Variants in TRPM1 observed in about 807,000 individuals in gnomAD.
TRPM1 encodes the protein transient receptor potential cation channel subfamily M member 1, also known as TRPM1-203 APA Isoform, Intron 10.
In TRPM1, 113 loss-of-function variants were observed where a neutral mutation model predicts 149.4. The ratio of observed to expected loss-of-function variants is 0.76; its 90% confidence interval spans 0.65 to 0.88. The LOEUF is 0.88. TRPM1 is among the 40% of genes least tolerant of loss of function. TRPM1 has a pLI of 0.00. For missense variants in TRPM1, 1,976 were observed against 2,038.7 expected, an observed-to-expected ratio of 0.97 and a Z score of 0.59; for synonymous variants, 741 against 759.5, an observed-to-expected ratio of 0.98 and a Z score of 0.40.
chr15:31,113,733 C>G (rs1335637858), intron 1 of TRPM1, among the ~76,000 whole-genome samples: 3 of 152,194 alleles, frequency 2.0e-5, no homozygotes, highest in Non-Finnish European at 4.4e-5. Flanking sequence ...GTCCCACCGC[C>G]TTTAAGAATG....
chr15:31,113,358 C>G (rs1397524187), intron 1 of TRPM1, among the ~76,000 whole-genome samples: 2 of 152,078 alleles, frequency 1.3e-5, no homozygotes, highest in South Asian at 2.1e-4. Flanking sequence ...CCAGGGCCAC[C>G]ATGGACTGTC....
chr15:31,022,224 C>A (rs1202117775), intron 27 of TRPM1, among the ~76,000 whole-genome samples: 1 of 152,194 alleles, frequency 6.6e-6, no homozygotes, highest in African/African-American at 2.4e-5. Flanking sequence ...AGTGGATGTG[C>A]AGAAGACACA....
rs776625654 is a variant in TRPM1 at position 31,067,949 on chromosome 15, G to C, written c.423C>G (p.Val141=). 1.1e-5 allele frequency: 18 copies of C among 1,614,032 alleles called. No individual in the cohort carries two copies. Among genetic ancestry groups the C allele is most frequent in the Admixed American group, 1.7e-5 (1 of 60,006 alleles). ...NFEMQPKLKQ[V]FGKGLIKAAM... ...CAGCCTTGATCAGGCCTTTCCCAAA[G>C]ACTTGTTTCAGCTTGGGCTGCATCT... is the stretch of plus-strand genomic sequence containing the variant. The change falls in exon 5 of 28, where the codon GTC becomes GTG. Residue 141 remains valine (V), a synonymous_variant. Coordinates refer to ENST00000256552, the MANE Select transcript of TRPM1 (RefSeq NM_001252024.2).
chr15:31,041,222 T>G (rs1271878217), intron 17 of TRPM1, among the ~76,000 whole-genome samples: 1 of 151,710 alleles, frequency 6.6e-6, no homozygotes, highest in African/African-American at 2.4e-5. Context: ...TGGGGCAATC[T>G]CGGCTCACTG....
At chr15:31,056,511 C>T (rs2034091251) in intron 11 of TRPM1, among the ~76,000 whole-genome samples, 2 of 152,154 alleles carry the variant, frequency 1.3e-5, no homozygotes, top group African/African-American at 4.8e-5. Context: ...CAATCTTGAG[C>T]CTCATGTGAG....
At position 31,040,480 on chromosome 15, in the gene TRPM1, C is replaced by A; in HGVS notation, c.2088-134G>T. On this transcript the variant is annotated intron_variant, in intron 17 of 27. Transcript: ENST00000256552. The surrounding 1 kb of genome is among the most constrained non-coding windows in gnomAD (Gnocchi z 4.2). ...ACTGGAGGGGCTCTGAGGTTCTCTG[C>A]AAGCAAGAAGCTCCAGGGATGTGTC... 2 of 769,184 alleles carry A rather than the reference C, an allele frequency of 2.6e-6. No individual in the cohort carries two copies. The highest frequency in any genetic ancestry group is 4.4e-6 in the Non-Finnish European group (2 of 453,532). 47.6% of individuals were successfully genotyped at this position (769,184 alleles called of 1,614,324 possible).
rs58872566 is a variant in TRPM1 at position 31,087,231 on chromosome 15, A to ATTTTTTTTTTTTTTT, written c.-83-5808_-83-5794dup. Among the ~76,000 whole-genome samples the ATTTTTTTTTTTTTTT allele has an allele frequency of 2.4e-4, 14 of 59,442 alleles. 4 individuals carry two copies. Among genetic ancestry groups the ATTTTTTTTTTTTTTT allele is most frequent in the African/African-American group, 8.5e-4 (12 of 14,042 alleles). The allele number at this position is 59,442 out of a possible 152,430, so 39.0% of individuals were successfully genotyped here. On this transcript the variant is annotated intron_variant, in intron 1 of 27. Transcript: ENST00000256552. ...AGCAGTTAAGCAGGTCTCAATAGGGATTTTTTTTTTTTTTTTTTTTTTTTT... is the reference window on the plus strand; with the variant it reads ...AGCAGTTAAGCAGGTCTCAATAGGGATTTTTTTTTTTTTTTTTTTTTTTTTTTTTTTTTTTTTTTT...
At chr15:31,115,245 A>G (rs2035783154) in intron 1 of TRPM1, among the ~76,000 whole-genome samples, 1 of 152,184 alleles carries the variant, frequency 6.6e-6, no homozygotes, top group African/African-American at 2.4e-5. Flanking sequence ...GCAACAGAGC[A>G]AGACTCTGTC....
At chr15:31,125,311 G>A (rs958525262) in intron 1 of TRPM1, among the ~76,000 whole-genome samples, 1 of 152,210 alleles carries the variant, frequency 6.6e-6, no homozygotes, top group East Asian at 1.9e-4. Context: ...AATATACACC[G>A]TGCAAGATGT....
chr15:31,033,981 T>C (rs2033223613), intron 21 of TRPM1, among the ~76,000 whole-genome samples: 1 of 152,186 alleles, frequency 6.6e-6, no homozygotes, highest in African/African-American at 2.4e-5. Flanking sequence ...ATTCCCTCTA[T>C]CTGGACTAGG....
rs773449567 is a variant in TRPM1, at chr15:31,026,208, T to C, written c.3560A>G (p.Glu1187Gly). 3.1e-6 allele frequency: 5 copies of C among 1,612,676 alleles called. No individual in the cohort carries two copies. The highest frequency in any genetic ancestry group is 1.7e-5 in the Admixed American group (1 of 60,026). ...LHEFEEQCVQ[E>G]HFREKEDEQQ... ...CTCATCCTCCTTCTCCCGGAAGTGC[T>C]CCTGCACGCACTGCTCCTCGAACTC... The change falls in exon 27 of 28, where the codon GAG becomes GGG. Residue 1187 changes from glutamate (E) to glycine (G), a missense_variant. Around this residue, in one of 3 missense-constraint regions of TRPM1, gnomAD observed 572 missense variants for 578.9 expected, o/e 0.99. Transcript: ENST00000256552.
chr15:31,050,290 C>A lies in TRPM1; in HGVS notation c.1437+119G>T, dbSNP rs2033909799. On this transcript the variant is annotated intron_variant, in intron 12 of 27. Coordinates refer to ENST00000256552, the MANE Select transcript of TRPM1 (RefSeq NM_001252024.2). ...GAAATGCTGACACTACCCAGTCAAG[C>A]CTTTACCCGTCCCTCCTGGGATCAG... is the stretch of plus-strand genomic sequence containing the variant. 2.8e-6 allele frequency: 4 copies of A among 1,449,670 alleles called. No individual in the cohort carries two copies. The Admixed American group carries it at 5.0e-5, about 18-fold the overall frequency. 89.8% of individuals were successfully genotyped at this position (1,449,670 alleles called of 1,614,324 possible).
At chr15:31,091,133 T>A (rs915442821) in intron 1 of TRPM1, among the ~76,000 whole-genome samples, 1 of 152,234 alleles carries the variant, frequency 6.6e-6, no homozygotes, top group Non-Finnish European at 1.5e-5. Context: ...CTGATGACAT[T>A]GTCTGCAATT....
At chr15:31,046,709 G>A (rs1357352451) in intron 15 of TRPM1, among the ~76,000 whole-genome samples, 1 of 152,224 alleles carries the variant, frequency 6.6e-6, no homozygotes, top group Non-Finnish European at 1.5e-5. Flanking sequence ...GGCCTTGGCT[G>A]CTGTGATAAT....
intron 3 of TRPM1, among the ~76,000 whole-genome samples, chr15:31,075,476 C>T (rs1306882496): frequency 6.6e-6 from 1 of 152,114 alleles, no homozygotes; most frequent in Non-Finnish European, 1.5e-5. Flanking sequence ...TGTCTGAATC[C>T]ATTATAACCA....
At chr15:31,082,121 G>A (rs1021639739) in intron 1 of TRPM1, among the ~76,000 whole-genome samples, 1 of 152,192 alleles carries the variant, frequency 6.6e-6, no homozygotes, top group African/African-American at 2.4e-5. Flanking sequence ...GGTGCCACCT[G>A]TCCTTGTGAA....
chr15:31,080,811 C>T (rs567715511), intron 2 of TRPM1, among the ~76,000 whole-genome samples: 1 of 150,134 alleles, frequency 6.7e-6, no homozygotes, highest in African/African-American at 2.5e-5. Context: ...GGATAAGAAA[C>T]CCGCGCTGGG....
At chr15:31,062,209 T>C (rs946376957) in intron 9 of TRPM1, among the ~76,000 whole-genome samples, 9 of 152,210 alleles carry the variant, frequency 5.9e-5, no homozygotes, top group Non-Finnish European at 1.3e-4. Context: ...CTATTCCTTG[T>C]AAATGGAACG....
In TRPM1 at chr15:31,041,012, C is replaced by G. The variant is rs111595686; in HGVS notation, c.2088-666G>C. Among the ~76,000 whole-genome samples the G allele has an allele frequency of 8.3e-3, 1,267 of 152,258 alleles. 19 individuals are homozygous for G. Among genetic ancestry groups the G allele is most frequent in the African/African-American group, 0.029 (1,188 of 41,532 alleles). The stretch of plus-strand genomic sequence containing the variant: ...TCATAGGGCCCAGGCCAGAGGGCGT[C>G]TAATGACTGATGGGGACAGTGATAG... On this transcript the variant is annotated intron_variant, in intron 17 of 27. Coordinates refer to ENST00000256552, the MANE Select transcript of TRPM1 (RefSeq NM_001252024.2).
Sources: gnomAD v4.1 joint callset for allele counts (sites outside exome capture counted in the v4.1 genomes callset) on GRCh38, gnomAD v4.1.1 for gene constraint, gnomAD v4.1.1 regional missense constraint, Gnocchi (gnomAD v3.1) non-coding constraint, MANE v1.5 for transcripts, NCBI Gene and HGNC (gene_info 2026-07-23, HGNC 2026-07-21) for gene names.